The following CPS1 variants were observed in gnomAD, a reference collection of about 807,000 sequenced individuals.
The protein encoded by CPS1 is carbamoyl-phosphate synthase 1.
CPS1 carries 109 observed loss-of-function variants against 174.6 expected under a neutral mutation model. The observed-to-expected ratio is 0.62, with a 90% CI of 0.53 to 0.73. The LOEUF (loss-of-function observed/expected upper bound fraction) is 0.73. Ranked by LOEUF, CPS1 falls within the 30% of genes least tolerant of loss-of-function variation. The pLI, the probability that CPS1 is intolerant of heterozygous loss-of-function variation, is 0.00. For synonymous variants in CPS1, 637 were observed against 632.0 expected, an observed-to-expected ratio of 1.01 and a Z score of -0.12; for missense variants, 1,689 against 1,821.9, an observed-to-expected ratio of 0.93 and a Z score of 1.33.
At chr2:210,645,788 A>G (rs1021229389) in intron 25 of CPS1, among the ~76,000 whole-genome samples, 7 of 152,190 alleles carry the variant, frequency 4.6e-5, no homozygotes, top group Non-Finnish European at 8.8e-5. Context: ...TGTATTTGCT[A>G]GATAAGGGAT....
intron 1 of CPS1, among the ~76,000 whole-genome samples, chr2:210,497,404 A>G (rs1229407294): frequency 6.6e-6 from 1 of 152,032 alleles, no homozygotes; most frequent in East Asian, 1.9e-4. Flanking sequence ...ATAATTTCAA[A>G]TTTTATGTTA....
At chr2:210,479,202 C>T (rs1420161953) in intron 1 of CPS1, among the ~76,000 whole-genome samples, 2 of 152,094 alleles carry the variant, frequency 1.3e-5, no homozygotes, top group Admixed American at 6.6e-5. Flanking sequence ...GTCTTGTTGG[C>T]TTGTAGATGC....
intron 30 of CPS1, 159 bp from the exon 31 acceptor site, chr2:210,658,440 C>T: frequency 1.6e-6 from 1 of 622,782 alleles, no homozygotes. Context: ...TTAATAGAAA[C>T]CTAATAGTGC....
rs1695296287 is a variant in CPS1, at chr2:210,506,653, TA to T, written c.3+28888del. Among the ~76,000 whole-genome samples, 5 of 152,228 alleles carry T rather than the reference TA, an allele frequency of 3.3e-5. No homozygotes were observed. In the South Asian group the frequency reaches 1.0e-3, roughly 32 times the overall value. ...AAAAAAGATTAGACAAATGGCTAAC[TA>T]GAATAACCAATGCAAAGAAGTCCTT... On this transcript the variant is annotated intron_variant, in intron 1 of 38. Coordinates refer to the CPS1 transcript ENST00000430249.
intron 26 of CPS1, 146 bp downstream of exon 26, chr2:210,648,203 C>G (rs1365230676): frequency 2.5e-6 from 2 of 809,342 alleles, no homozygotes; most frequent in African/African-American, 3.5e-5. Flanking sequence ...GTTGTATATC[C>G]ATGATTGCAG....
chr2:210,660,551 T>C lies in CPS1; in HGVS notation c.3823T>C (p.Phe1275Leu). Reference sequence around the variant, plus strand: ...TGTTTCCAAGACTCTTGGGGTTGACTTCATTGATGTGGCCACCAAGGTGAT... The same window carrying C: ...TGTTTCCAAGACTCTTGGGGTTGACCTCATTGATGTGGCCACCAAGGTGAT... ...PFVSKTLGVD[F>L]IDVATKVMIG... is the part of the protein sequence containing the mutation. Residue 1275 changes from phenylalanine (F) to leucine (L), a missense_variant, in exon 32 of 38, where the codon TTC (phenylalanine) becomes CTC (leucine). Phe to Leu is a conservative substitution (Grantham distance 22). Transcript: ENST00000233072. The C allele has an allele frequency of 6.2e-7, 1 of 1,614,186 alleles. No individual in the cohort carries two copies. Among genetic ancestry groups the C allele is most frequent in the South Asian group, 1.1e-5 (1 of 91,088 alleles).
At chr2:210,563,328 G>A (rs1697167152) in intron 1 of CPS1, among the ~76,000 whole-genome samples, 1 of 152,044 alleles carries the variant, frequency 6.6e-6, no homozygotes, top group South Asian at 2.1e-4. Flanking sequence ...CAAAGCATAA[G>A]GAAGGATTCT....
At chr2:210,556,285 T>C (rs1335700889), upstream of CPS1, 1 of 454,380 alleles carries the variant, frequency 2.2e-6, no homozygotes, top group African/African-American at 2.0e-5. Flanking sequence ...AAATCTCTTA[T>C]GAGGCATATT....
intron 16 of CPS1, among the ~76,000 whole-genome samples, chr2:210,604,160 A>G (rs1271480587): frequency 6.6e-6 from 1 of 151,860 alleles, no homozygotes; most frequent in Non-Finnish European, 1.5e-5. Context: ...AGCTGTGGGG[A>G]CAAATGTGTC....
intron 34 of CPS1, 142 bp from the exon 35 acceptor site, chr2:210,674,760 A>G: frequency 1.4e-6 from 1 of 728,488 alleles, no homozygotes. Context: ...AGAAGGATAA[A>G]AGGATAAAAC....
chr2:210,546,371 G>A (rs920255116), intron 1 of CPS1, among the ~76,000 whole-genome samples: 22 of 152,018 alleles, frequency 1.4e-4, no homozygotes, highest in African/African-American at 4.6e-4. Context: ...TTAGAAAAAT[G>A]AATATATTAT....
Position 210,642,622 on chromosome 2 carries a change from A to G in CPS1, c.3098A>G (p.Glu1033Gly). 6.2e-7 allele frequency: 1 copy of G among 1,614,176 alleles called. No homozygotes were observed. The highest frequency in any genetic ancestry group is 8.5e-7 in the Non-Finnish European group (1 of 1,180,004). ...GATGAGTGTGACAAACTGTACTTTG[A>G]AGAGTTGTCCTTGGAGAGAATCCTA... ...DFDECDKLYF[E>G]ELSLERILDI... Residue 1033 changes from glutamate (E) to glycine (G), a missense_variant, in exon 25 of 38, where the codon GAA becomes GGA. Glu to Gly is a moderately conservative substitution (Grantham distance 98, BLOSUM62 -2). Transcript: ENST00000233072.
At chr2:210,640,148 A>G (rs1296317160) in intron 24 of CPS1, 89 bp downstream of exon 24, 1 of 902,208 alleles carries the variant, frequency 1.1e-6, no homozygotes, top group Non-Finnish European at 1.8e-6. Context: ...CAAGAACTAT[A>G]TCAAATAAAT....
chr2:210,547,880 C>A (rs760495378), intron 1 of CPS1, among the ~76,000 whole-genome samples: 4 of 151,900 alleles, frequency 2.6e-5, no homozygotes, highest in Non-Finnish European at 2.9e-5. Flanking sequence ...ATAACTGGGC[C>A]TTCATATTCC....
intron 32 of CPS1, among the ~76,000 whole-genome samples, chr2:210,662,032 G>A (rs1386382173): frequency 6.8e-6 from 1 of 147,082 alleles, no homozygotes; most frequent in East Asian, 2.0e-4. Context: ...AGCCCCCCAA[G>A]TAGCCCCCAG....
intron 20 of CPS1, among the ~76,000 whole-genome samples, chr2:210,615,686 A>T (rs1293628726): frequency 1.3e-5 from 2 of 151,956 alleles, no homozygotes; most frequent in Admixed American, 1.3e-4. Flanking sequence ...TAAATTTTCT[A>T]CTCAGCTTAA....
At chr2:210,527,377 G>A (rs1332756663) in intron 1 of CPS1, among the ~76,000 whole-genome samples, 1 of 151,892 alleles carries the variant, frequency 6.6e-6, no homozygotes, top group African/African-American at 2.4e-5. Context: ...AGATCTACAA[G>A]GGATCTAAGA....
At chr2:210,599,270 G>A in intron 13 of CPS1, 102 bp from the exon 14 acceptor site, 5 of 1,054,816 alleles carry the variant, frequency 4.7e-6, no homozygotes, top group Non-Finnish European at 7.3e-6. Flanking sequence ...ACGGCCCACA[G>A]ATAACCTAAA....
chr2:210,634,880 A>T (rs1699996687), intron 21 of CPS1, among the ~76,000 whole-genome samples: 1 of 152,100 alleles, frequency 6.6e-6, no homozygotes. Flanking sequence ...CTGCTCTCAA[A>T]CAATAGCCAA....
Sources: gnomAD v4.1 joint callset for allele counts (sites outside exome capture counted in the v4.1 genomes callset) on GRCh38, gnomAD v4.1.1 for gene constraint, MANE v1.5 for transcripts, NCBI Gene and HGNC (gene_info 2026-07-23, HGNC 2026-07-21) for gene names.